Variants in FYB2 observed in about 807,000 individuals in gnomAD.
FYB2 encodes the protein FYN binding protein 2, also known as FYN-binding protein 2.
In FYB2, 103 loss-of-function variants were observed where a neutral mutation model predicts 94.1. The ratio of observed to expected loss-of-function variants is 1.09; its 90% CI spans 0.93 to 1.29. The LOEUF (loss-of-function observed/expected upper bound fraction) is 1.29. Among genes scored for constraint, FYB2 ranks in the 50% most tolerant of loss-of-function variants. The probability of loss-of-function intolerance (pLI) is 0.00; values close to 1 mark genes in which losing one functional copy is unlikely to be tolerated. For synonymous variants in FYB2, 293 were observed against 287.9 expected (o/e 1.02, Z -0.18); for missense variants, 896 against 841.5 (o/e 1.06, Z -0.80).
chr1:56,818,837 C>T (rs555072087), intron 1 of FYB2, among the ~76,000 whole-genome samples: 1 of 152,244 alleles, frequency 6.6e-6, no homozygotes, highest in East Asian at 1.9e-4. Flanking sequence ...AGCCACAAGC[C>T]ACAAAAGAGC....
chr1:56,742,820 G>C (rs1644985534), intron 11 of FYB2, among the ~76,000 whole-genome samples: 1 of 151,966 alleles, frequency 6.6e-6, no homozygotes, highest in South Asian at 2.1e-4. Context: ...TTTTTAAAAT[G>C]AGTGTACTGG....
intron 3 of FYB2, 124 bp downstream of exon 3, chr1:56,788,849 G>A (rs1052936930): frequency 7.4e-7 from 1 of 1,355,834 alleles, no homozygotes; most frequent in South Asian, 1.2e-5. Flanking sequence ...CTCTAGATGA[G>A]AATAAGCAGT....
At chr1:56,727,533 T>C (rs1644609210) in intron 15 of FYB2, among the ~76,000 whole-genome samples, 1 of 151,868 alleles carries the variant, frequency 6.6e-6, no homozygotes, top group African/African-American at 2.4e-5. Flanking sequence ...AAATGAAATA[T>C]TATATTTGAA....
intron 11 of FYB2, among the ~76,000 whole-genome samples, chr1:56,742,876 T>C (rs1183488240): frequency 2.0e-5 from 3 of 152,122 alleles, no homozygotes; most frequent in Non-Finnish European, 2.9e-5. Flanking sequence ...CTTCTGAGAT[T>C]CTAAGATCAA....
At chr1:56,804,465 C>T (rs548864312) in intron 1 of FYB2, among the ~76,000 whole-genome samples, 1 of 152,322 alleles carries the variant, frequency 6.6e-6, no homozygotes, top group East Asian at 1.9e-4. Context: ...TGGCTCATGC[C>T]TGTAATCCCA....
chr1:56,736,371 G>T (rs1557592257), intron 15 of FYB2, among the ~76,000 whole-genome samples: 2 of 149,808 alleles, frequency 1.3e-5, no homozygotes, highest in Non-Finnish European at 3.0e-5. Context: ...TTGATTAAGA[G>T]GGAAAGTATA....
chr1:56,741,995 A>G (rs144087149), intron 12 of FYB2, among the ~76,000 whole-genome samples, 166 bp downstream of exon 12: 27 of 150,330 alleles, frequency 1.8e-4, no homozygotes, highest in African/African-American at 5.8e-4. Flanking sequence ...TAATATTACA[A>G]TAGGTTATCA....
rs747934068 is a variant in FYB2 at position 56,792,273 on chromosome 1, C to A, written c.540G>T (p.Glu180Asp). 1.1e-5 allele frequency: 17 copies of A among 1,613,546 alleles called. No individual in the cohort carries two copies. The highest frequency in any genetic ancestry group is 1.4e-5 in the Non-Finnish European group (16 of 1,179,872). Residue 180 changes from glutamate (E) to aspartate (D), a missense_variant, in exon 2 of 20, where the codon GAG (glutamate) becomes GAT (aspartate). Physicochemically the swap from Glu to Asp is conservative, Grantham distance 45. Coordinates refer to ENST00000343433, the MANE Select transcript of FYB2 (RefSeq NM_001004303.5). ...TTGTTTCCAGCTTTTTCCTGGGTTC[C>A]TCTGGAGTAAGCCCCATGCCTTTTT... ...EGQKGMGLTP[E>D]EPRKKLETKG...
chr1:56,823,519 GT>G (rs1647005346), upstream of FYB2, among the ~76,000 whole-genome samples: 1 of 152,186 alleles, frequency 6.6e-6, no homozygotes, highest in South Asian at 2.1e-4. Context: ...CATTTTACCA[GT>G]TTTTGAAAAA....
rs536112548 is a variant in FYB2, at chr1:56,792,504, A to G, written c.309T>C (p.Cys103=). The change falls in exon 2 of 20, where the codon TGT becomes TGC. Residue 103 remains cysteine (C), a synonymous_variant. Transcript: ENST00000343433. Reference sequence around the variant, plus strand: ...AAGCCTTCTGTGAACTTGTTGCAGAACATACAGTAGACTTTCCCAGAGGCC... The same window carrying G: ...AAGCCTTCTGTGAACTTGTTGCAGAGCATACAGTAGACTTTCCCAGAGGCC... The part of the protein sequence containing the change: ...SPGPLGKSTV[C]SATSSQKASL... 1.9e-6 allele frequency: 3 copies of G among 1,614,206 alleles called. No homozygotes were observed. The highest frequency in any genetic ancestry group is 1.1e-5 in the South Asian group (1 of 91,088).
intron 9 of FYB2, among the ~76,000 whole-genome samples, chr1:56,744,515 C>T (rs1645027947): frequency 6.6e-6 from 1 of 151,914 alleles, no homozygotes; most frequent in South Asian, 2.1e-4. Flanking sequence ...GGATTAAATA[C>T]ATATTTATGA....
At chr1:56,790,217 G>T (rs1446518368) in intron 2 of FYB2, among the ~76,000 whole-genome samples, 2 of 152,170 alleles carry the variant, frequency 1.3e-5, no homozygotes, top group African/African-American at 4.8e-5. Context: ...ATACTCCTGG[G>T]AGACTTCCTG....
intron 15 of FYB2, among the ~76,000 whole-genome samples, chr1:56,730,565 C>T (rs1644686092): frequency 6.6e-6 from 1 of 151,914 alleles, no homozygotes. Context: ...TGGAAATATA[C>T]AACCTACTGA....
intron 4 of FYB2, among the ~76,000 whole-genome samples, chr1:56,783,491 T>A (rs1282017164): frequency 6.6e-6 from 1 of 152,152 alleles, no homozygotes; most frequent in Non-Finnish European, 1.5e-5. Flanking sequence ...GTTTTATACA[T>A]TATGGTTGAA....
chr1:56,743,253 A>G (rs1202420695), intron 11 of FYB2, among the ~76,000 whole-genome samples: 1 of 152,040 alleles, frequency 6.6e-6, no homozygotes, highest in Non-Finnish European at 1.5e-5. Context: ...ATTTTTTTGA[A>G]TATCTAACAT....
intron 7 of FYB2, 136 bp from the exon 8 acceptor site, chr1:56,754,071 C>A: frequency 1.6e-6 from 1 of 626,318 alleles, no homozygotes; most frequent in Non-Finnish European, 2.8e-6. Flanking sequence ...GATGAAGGGA[C>A]TAGGATCAGA....
At chr1:56,772,808 T>C (rs1367733829) in intron 4 of FYB2, among the ~76,000 whole-genome samples, 3 of 152,204 alleles carry the variant, frequency 2.0e-5, no homozygotes, top group Admixed American at 6.5e-5. Flanking sequence ...ATGAAATATT[T>C]GCCCTCTGCA....
At chr1:56,818,859 G>A (rs993592516) in intron 1 of FYB2, among the ~76,000 whole-genome samples, 1 of 152,138 alleles carries the variant, frequency 6.6e-6, no homozygotes, top group Non-Finnish European at 1.5e-5. Flanking sequence ...ATGCACAGCC[G>A]GCTTCCTAGC....
chr1:56,816,216 C>T (rs1646878893), intron 1 of FYB2, among the ~76,000 whole-genome samples: 1 of 152,154 alleles, frequency 6.6e-6, no homozygotes, highest in South Asian at 2.1e-4. Flanking sequence ...TCCCTCTGTT[C>T]CACAGGGTGT....
Sources: gnomAD v4.1 joint callset for allele counts (sites outside exome capture counted in the v4.1 genomes callset) on GRCh38, gnomAD v4.1.1 for gene constraint, MANE v1.5 for transcripts, NCBI Gene and HGNC (gene_info 2026-07-23, HGNC 2026-07-21) for gene names.